The following KIF1C variants were observed in gnomAD, a reference collection of about 807,000 sequenced individuals.
The protein encoded by KIF1C is kinesin family member 1C, also known as kinesin-like protein KIF1C.
A neutral mutation model predicts 126.5 loss-of-function variants in KIF1C; 61 were observed. That is an observed-to-expected ratio of 0.48 (90% confidence interval 0.39 to 0.60). The LOEUF (loss-of-function observed/expected upper bound fraction) is 0.60, where lower values mean the gene tolerates loss of function less well. Among genes scored for constraint, KIF1C ranks in the 20% least tolerant of loss-of-function variants. KIF1C has a pLI of 0.00. For synonymous variants in KIF1C, 640 were observed against 580.6 expected, an observed-to-expected ratio of 1.10 and a Z score of -1.47; for missense variants, 1,315 against 1,489.2, an observed-to-expected ratio of 0.88 and a Z score of 1.93.
chr17:5,019,318 T>A (rs1975041124), intron 18 of KIF1C: 1 of 167,906 alleles, frequency 6.0e-6, no homozygotes, highest in African/African-American at 2.4e-5. Context: ...AATTGACTTG[T>A]TCAGCATCCC....
rs770853827 is a variant in KIF1C at position 5,022,045 on chromosome 17, T to C, written c.2011-47T>C. ...ACACACTGGGCCAAGACACATGGGC[T>C]CTGGATGTCCTTAGCCCTCTCTTCC... is the stretch of plus-strand genomic sequence containing the variant. On this transcript the variant is annotated intron_variant, in intron 21 of 22. Transcript: ENST00000320785. The surrounding 1 kb of genome is among the most constrained non-coding windows in gnomAD (Gnocchi z 4.9). 5 of 1,543,190 alleles carry C rather than the reference T, an allele frequency of 3.2e-6. No individual in the cohort carries two copies. The highest frequency in any genetic ancestry group is 1.9e-5 in the Admixed American group (1 of 53,376).
rs926074280 is a variant in KIF1C at position 5,000,054 on chromosome 17, G to A, written c.-28+84G>A. ...AGAAATACCTTTGGGAGTCTCTCAA[G>A]ACAGTGACATTTGGGAGGAAAGCCA... is the stretch of plus-strand genomic sequence containing the variant. On this transcript the variant is annotated intron_variant, in intron 2 of 22. Coordinates refer to ENST00000320785, the MANE Select transcript of KIF1C (RefSeq NM_006612.6). 33 of 592,438 alleles carry A rather than the reference G, an allele frequency of 5.6e-5. No homozygotes were observed. In the African/African-American group the frequency reaches 6.1e-4, roughly 11 times the overall value. The allele number at this position is 592,438 out of a possible 1,614,324, so 36.7% of individuals were successfully genotyped here.
In KIF1C at chr17:5,022,060, C is replaced by T. The variant is rs767110490; in HGVS notation, c.2011-32C>T. On this transcript the variant is annotated intron_variant, in intron 21 of 22. Coordinates refer to ENST00000320785, the MANE Select transcript of KIF1C (RefSeq NM_006612.6). This position sits in a 1 kb window ranked among gnomAD's most constrained non-coding sequence, Gnocchi z 4.9. ...ACACATGGGCTCTGGATGTCCTTAGCCCTCTCTTCCTCTTTCTTTCTCTGG... is the reference window on the plus strand; with the variant it reads ...ACACATGGGCTCTGGATGTCCTTAGTCCTCTCTTCCTCTTTCTTTCTCTGG... The T allele has an allele frequency of 3.8e-6, 6 of 1,567,306 alleles. No individual in the cohort carries two copies. In the South Asian group the frequency reaches 5.9e-5, roughly 15 times the overall value.
At chr17:5,008,628 C>T (rs1303068978) in intron 16 of KIF1C, among the ~76,000 whole-genome samples, 3 of 152,232 alleles carry the variant, frequency 2.0e-5, no homozygotes, top group South Asian at 2.1e-4. Context: ...CACTGAACCC[C>T]TGTTCTGAAA....
chr17:5,022,186 C>T lies in KIF1C; in HGVS notation c.2105C>T (p.Thr702Ile), dbSNP rs138935423. 12,134 of 1,614,108 alleles carry T rather than the reference C, an allele frequency of 7.5e-3. 62 individuals are homozygous for T. Among genetic ancestry groups the T allele is most frequent in the Non-Finnish European group, 9.4e-3 (11,122 of 1,180,008 alleles). ...TCCTTGCGGGAGCAGCTGCCGCCCA[C>T]CACGGTCCAGACCATTGTCAAACGC... ...ISSLREQLPP[T>I]TVQTIVKRCG... The change falls in exon 22 of 23, where the codon ACC (threonine) becomes ATC (isoleucine). Residue 702 changes from threonine (T) to isoleucine (I), a missense_variant. By Grantham distance (89) the Thr-to-Ile change is moderately conservative. Transcript: ENST00000320785. The surrounding 1 kb of genome is among the most constrained non-coding windows in gnomAD (Gnocchi z 4.9).
At position 5,002,019 on chromosome 17, in the gene KIF1C, G is replaced by A. The variant is rs377266151; in HGVS notation, c.364-40G>A. ...TGGCTGGACACTTTAGGTGTGCCCT[G>A]AACAGGAGCTTCTCTGTATTTCCCT... On this transcript the variant is annotated intron_variant, in intron 5 of 22. Transcript: ENST00000320785. 2,301 of 1,589,794 alleles carry A rather than the reference G, an allele frequency of 1.4e-3. 3 individuals carry two copies. Among genetic ancestry groups the A allele is most frequent in the Middle Eastern group, 2.2e-3 (13 of 6,020 alleles).
At position 5,014,769 on chromosome 17, in the gene KIF1C, A is replaced by G. The variant is rs1049225304; in HGVS notation, c.1598A>G (p.Lys533Arg). The G allele has an allele frequency of 1.1e-5, 17 of 1,599,550 alleles. No individual in the cohort carries two copies. Among genetic ancestry groups the G allele is most frequent in the Admixed American group, 1.0e-4 (6 of 57,574 alleles). ...TRVGQVDMDI[K>R]LTGQFIREQH... ...GTCGGCCAAGTAGATATGGACATCAAGCTGACCGGACAGTTCATTCGGGAG... is the reference window on the plus strand; with the variant it reads ...GTCGGCCAAGTAGATATGGACATCAGGCTGACCGGACAGTTCATTCGGGAG... Residue 533 changes from lysine to arginine, a missense_variant, in exon 18 of 23, where the codon AAG (lysine) becomes AGG (arginine). Transcript: ENST00000320785.
chr17:5,018,645 A>G (rs1975028445), intron 18 of KIF1C, among the ~76,000 whole-genome samples: 2 of 151,606 alleles, frequency 1.3e-5, no homozygotes. Context: ...CTGAGATCGC[A>G]CCATTGCACT....
At chr17:5,017,550 C>T (rs547137411) in intron 18 of KIF1C, among the ~76,000 whole-genome samples, 3 of 152,192 alleles carry the variant, frequency 2.0e-5, no homozygotes, top group Admixed American at 6.5e-5. Flanking sequence ...ATGATCCACC[C>T]GCCTCGGCCT....
intron 17 of KIF1C, chr17:5,014,204 C>T (rs1031785176): frequency 1.7e-5 from 3 of 174,364 alleles, no homozygotes; most frequent in Non-Finnish European, 3.6e-5. Context: ...CACAGGCATT[C>T]GTGGCTGTCC....
chr17:5,020,288 C>T lies in KIF1C; in HGVS notation c.1751-204C>T, dbSNP rs139859526. ...CAGGGAACAGGAAGAGGATGCCAAGCTCTTGCAATTCCCTTTGGTTGACAA... is the reference window on the plus strand; with the variant it reads ...CAGGGAACAGGAAGAGGATGCCAAGTTCTTGCAATTCCCTTTGGTTGACAA... On this transcript the variant is annotated intron_variant, in intron 19 of 22. Coordinates refer to ENST00000320785, the MANE Select transcript of KIF1C (RefSeq NM_006612.6). This position sits in a 1 kb window ranked among gnomAD's most constrained non-coding sequence, Gnocchi z 5.8. Among the ~76,000 whole-genome samples the T allele has an allele frequency of 1.7e-4, 26 of 152,318 alleles. No individual in the cohort carries two copies. The highest frequency in any genetic ancestry group is 2.8e-4 in the Non-Finnish European group (19 of 68,026).
chr17:5,026,345 C>A lies in KIF1C; in HGVS notation c.*2194C>A, dbSNP rs502211. On this transcript the variant is annotated 3_prime_UTR_variant, in exon 23 of 23. Coordinates refer to ENST00000320785, the MANE Select transcript of KIF1C (RefSeq NM_006612.6). ...CAGAGGGAGCTGAGTTGAGTGTTACCGAGAATGCTGTGGGGTTTGAGATGA... is the reference window on the plus strand; with the variant it reads ...CAGAGGGAGCTGAGTTGAGTGTTACAGAGAATGCTGTGGGGTTTGAGATGA... 0.95 allele frequency: 144,564 copies of A among 152,302 alleles called. 68,669 individuals carry two copies. The highest frequency in any genetic ancestry group is 0.96 in the Admixed American group (14,639 of 15,286). The allele number at this position is 152,302 out of a possible 1,614,324, so 9.4% of individuals were successfully genotyped here. A position where few individuals can be genotyped will look rare whatever the true frequency, so the allele number is the denominator to read the frequency against.
chr17:4,999,423 C>T (rs531484392), intron 1 of KIF1C, among the ~76,000 whole-genome samples: 4 of 152,252 alleles, frequency 2.6e-5, no homozygotes, highest in African/African-American at 9.6e-5. Flanking sequence ...TCTTTAACAC[C>T]GTGTGTTTGC....
rs771822956 is a variant in KIF1C at position 5,024,073 on chromosome 17, C to T, written c.3234C>T (p.Tyr1078=). The T allele has an allele frequency of 5.6e-5, 90 of 1,594,388 alleles. No homozygotes were observed. The highest frequency in any genetic ancestry group is 7.2e-5 in the Non-Finnish European group (84 of 1,170,538). ...YPAQRPPGPR[Y]PPYTTPPRMR... ...CCCAGCGGCCCCCAGGGCCCCGCTA[C>T]CCCCCATACACTACTCCCCCACGAA... Residue 1078 remains tyrosine (Y), a synonymous_variant, in exon 23 of 23, where the codon TAC becomes TAT. Coordinates refer to ENST00000320785, the MANE Select transcript of KIF1C (RefSeq NM_006612.6).
chr17:5,002,672 G>A (rs1453658820), intron 7 of KIF1C, 30 bp downstream of exon 7: 1 of 1,611,704 alleles, frequency 6.2e-7, no homozygotes, highest in South Asian at 1.1e-5. Context: ...CAGAGGGCAA[G>A]GGGGCCAGGG....
At chr17:5,006,807 C>T in intron 13 of KIF1C, 108 bp from the exon 14 acceptor site, 1 of 1,157,254 alleles carries the variant, frequency 8.6e-7, no homozygotes, top group South Asian at 1.3e-5. Flanking sequence ...CAGCAGTCTT[C>T]TGTAGTCCTT....
At chr17:5,007,432 G>T (rs906823735) in intron 15 of KIF1C, 35 bp from the exon 16 acceptor site, 1 of 1,610,552 alleles carries the variant, frequency 6.2e-7, no homozygotes, top group Non-Finnish European at 8.5e-7. Flanking sequence ...GGGCAGTGAA[G>T]GTAAGACTGA....
rs1597864942 is a variant in KIF1C, at chr17:5,022,867, G to A, written c.2628+158G>A. Among the ~76,000 whole-genome samples, 3 of 152,142 alleles carry A rather than the reference G, an allele frequency of 2.0e-5. No homozygotes were observed. Among genetic ancestry groups the A allele is most frequent in the African/African-American group, 7.2e-5 (3 of 41,422 alleles). On this transcript the variant is annotated intron_variant, in intron 22 of 22. Coordinates refer to ENST00000320785, the MANE Select transcript of KIF1C (RefSeq NM_006612.6). The surrounding 1 kb of genome is among the most constrained non-coding windows in gnomAD (Gnocchi z 4.9). ...ATATTGTTTACGAACCACATGCCTC[G>A]CTGTCACCAGGCTGCTAATTAAAAT...
At chr17:5,004,258 G>A (rs1052448203) in intron 11 of KIF1C, among the ~76,000 whole-genome samples, 185 bp downstream of exon 11, 4 of 152,050 alleles carry the variant, frequency 2.6e-5, no homozygotes, top group Non-Finnish European at 5.9e-5. Flanking sequence ...ATACCCTCCC[G>A]TCAAGCCAAG....
Sources: allele counts gnomAD v4.1 joint callset (sites outside exome capture counted in the v4.1 genomes callset), GRCh38; gene constraint gnomAD v4.1.1; non-coding constraint Gnocchi (gnomAD v3.1); transcripts MANE v1.5; gene names NCBI Gene and HGNC (gene_info 2026-07-23, HGNC 2026-07-21).